The following NKAP variants were observed in gnomAD, a reference collection of about 807,000 sequenced individuals.
NKAP encodes the protein NFKB activating protein, also known as NF-kappa-B-activating protein.
In NKAP, 4 loss-of-function variants were observed where a neutral mutation model predicts 35.6. The observed-to-expected ratio is 0.11, with a 90% CI of 0.06 to 0.26. NKAP has a LOEUF of 0.26. Ranked by LOEUF, NKAP falls within the 10% of genes least tolerant of loss-of-function variation. The pLI is 1.00. For missense variants in NKAP, 238 were observed against 321.9 expected (o/e 0.74, Z 1.99); for synonymous variants, 106 against 119.2 (o/e 0.89, Z 0.72).
intron 1 of NKAP, among the ~76,000 whole-genome samples, chrX:119,941,614 CTCTTT>C (rs1048495618): frequency 5.4e-5 from 6 of 110,923 alleles, no homozygotes; most frequent in Non-Finnish European, 7.6e-5. Flanking sequence ...TCCTGTTCTT[CTCTTT>C]GTTTTTTTTT....
At chrX:119,925,654 C>T (rs1384294950) in intron 8 of NKAP, among the ~76,000 whole-genome samples, 3 of 109,982 alleles carry the variant, frequency 2.7e-5, no homozygotes, top group African/African-American at 9.9e-5. Flanking sequence ...TTCCACCTCC[C>T]TGGCTCAAGC....
rs747622402 is a variant in NKAP at position 119,943,592 on chromosome X, G to A, written c.14C>T (p.Ser5Phe). 2 of 1,183,067 alleles carry A rather than the reference G, an allele frequency of 1.7e-6. No homozygotes were observed. The highest frequency in any genetic ancestry group is 6.0e-5 in the East Asian group (2 of 33,479). The change falls in exon 1 of 9, where the codon TCC becomes TTC. Residue 5 changes from serine (S) to phenylalanine (F), a missense_variant. Physicochemically the swap from Ser to Phe is radical, Grantham distance 155 (BLOSUM62 -2). This residue lies in a region of NKAP where 123 missense variants were observed against 115.3 expected (regional missense o/e 1.07). Coordinates refer to ENST00000371410, the MANE Select transcript of NKAP (RefSeq NM_024528.4). MAPVSGSRSPDREAS... is the reference protein window; with the variant it reads MAPVFGSRSPDREAS... ...CTCCCTATCCGGGCTGCGTGAGCCG[G>A]ACACCGGAGCCATGGCTACTGGGGG...
intron 8 of NKAP, among the ~76,000 whole-genome samples, chrX:119,928,278 T>A (rs928097473): frequency 8.9e-6 from 1 of 112,409 alleles, no homozygotes; most frequent in African/African-American, 3.2e-5. Context: ...GAATACACAA[T>A]CTCTTAATAA....
At chrX:119,928,051 A>G (rs996023365) in intron 8 of NKAP, among the ~76,000 whole-genome samples, 3 of 112,333 alleles carry the variant, frequency 2.7e-5, no homozygotes, top group Admixed American at 9.5e-5. Context: ...AACCAGCTTA[A>G]TAAGTCTCAT....
intron 5 of NKAP, 70 bp from the exon 6 acceptor site, chrX:119,932,286 T>C: frequency 1.2e-6 from 1 of 801,443 alleles, no homozygotes; most frequent in Non-Finnish European, 1.8e-6. Context: ...AATTTTTCTT[T>C]TCTTTTTAAA....
intron 8 of NKAP, among the ~76,000 whole-genome samples, chrX:119,927,661 GA>G (rs1412314103): frequency 8.9e-6 from 1 of 112,650 alleles, no homozygotes; most frequent in Non-Finnish European, 1.9e-5. Context: ...TTATTCCACT[GA>G]ACAATTCAGT....
rs761464069 is a variant in NKAP, at chrX:119,943,427, A to G, written c.179T>C (p.Leu60Pro). ...TCGGGAGCCTTGGCTGAGGCCACCC[A>G]GCTGATGGGTGAGTCCATTCCGGTC... is the stretch of plus-strand genomic sequence containing the variant. ...SGDRNGLTHQ[L>P]GGLSQGSRNQ... The change falls in exon 1 of 9, where the codon CTG becomes CCG. Residue 60 changes from leucine (L) to proline (P), a missense_variant. By Grantham distance (98) the Leu-to-Pro change is moderately conservative. Around this residue, in one of 5 missense-constraint regions of NKAP, gnomAD observed 123 missense variants for 115.3 expected, o/e 1.07. Coordinates refer to ENST00000371410, the MANE Select transcript of NKAP (RefSeq NM_024528.4). 1 of 1,210,758 alleles carries G rather than the reference A, an allele frequency of 8.3e-7. No individual in the cohort carries two copies. The highest frequency in any genetic ancestry group is 1.8e-5 in the South Asian group (1 of 56,866).
intron 8 of NKAP, among the ~76,000 whole-genome samples, chrX:119,925,933 T>TG (rs1200446815): frequency 1.3e-5 from 1 of 78,495 alleles, no homozygotes; most frequent in African/African-American, 5.8e-5. Flanking sequence ...TTTTTTCTTT[T>TG]TTTTTTTTTT....
At chrX:119,941,684 G>T (rs2056794345) in intron 1 of NKAP, among the ~76,000 whole-genome samples, 1 of 111,315 alleles carries the variant, frequency 9.0e-6, no homozygotes, top group Non-Finnish European at 1.9e-5. Context: ...GGAGTGCAGT[G>T]GTGAGATCAT....
chrX:119,925,929 CTTTTTTTTTTTTTTTTAATTTTT>C (rs1171991813), intron 8 of NKAP, among the ~76,000 whole-genome samples: 4 of 46,446 alleles, frequency 8.6e-5, no homozygotes, highest in Admixed American at 5.5e-4. Flanking sequence ...ATCCTTTTTT[CTTTTTTTTTTTTTTTTAATTTTT>C]TTTTTTTTTT....
Position 119,943,386 on chromosome X carries a change from A to G in NKAP, c.220T>C (p.Ser74Pro). ...TCTCTAGAACGCGACCGCGAGCGTG[A>G]GCGGTAGGACTGGTTTCGGGAGCCT... ...SQGSRNQSYRSRSRSRSRERP... is the reference protein window; with the variant it reads ...SQGSRNQSYRPRSRSRSRERP... The change falls in exon 1 of 9, where the codon TCA (serine) becomes CCA (proline). Residue 74 changes from serine (S) to proline (P), a missense_variant. By Grantham distance (74) the Ser-to-Pro change is moderately conservative. Transcript: ENST00000371410. 2.5e-6 allele frequency: 3 copies of G among 1,211,566 alleles called. No homozygotes were observed. The highest frequency in any genetic ancestry group is 3.4e-6 in the Non-Finnish European group (3 of 895,181).
intron 8 of NKAP, 27 bp from the exon 9 acceptor site, chrX:119,925,421 A>G: frequency 8.5e-7 from 1 of 1,177,341 alleles, no homozygotes; most frequent in South Asian, 1.9e-5. Context: ...TTTTGGCTTA[A>G]TTTCTCAGTA....
At chrX:119,925,615 G>A (rs2056706870) in intron 8 of NKAP, among the ~76,000 whole-genome samples, 1 of 109,991 alleles carries the variant, frequency 9.1e-6, no homozygotes, top group African/African-American at 3.3e-5. Context: ...AGGTTGGAAT[G>A]CAGTGGCACG....
In NKAP at chrX:119,920,762, T is replaced by C. The variant is rs778871869; in HGVS notation, c.*4458A>G. The C allele has an allele frequency of 5.2e-6, 2 of 382,801 alleles. No individual in the cohort carries two copies. Among genetic ancestry groups the C allele is most frequent in the Non-Finnish European group, 9.0e-6 (2 of 223,353 alleles). 31.5% of individuals were successfully genotyped at this position (382,801 alleles called of 1,213,427 possible). A position where few individuals can be genotyped will look rare whatever the true frequency, so the allele number is the denominator to read the frequency against. The stretch of plus-strand genomic sequence containing the variant: ...TTCATTCATTTTCCATTCTGCAACC[T>C]CCATCACATTAGCAGAGTAACCAGT... On this transcript the variant is annotated 3_prime_UTR_variant, in exon 9 of 9. Transcript: ENST00000371410.
chrX:119,929,121 C>G (rs923932742), intron 8 of NKAP, among the ~76,000 whole-genome samples: 1 of 111,168 alleles, frequency 9.0e-6, no homozygotes, highest in Non-Finnish European at 1.9e-5. Flanking sequence ...GTCTTGAACT[C>G]CTGGACTCAA....
chrX:119,933,715 C>T (rs200939587), intron 5 of NKAP, among the ~76,000 whole-genome samples: 8 of 110,458 alleles, frequency 7.2e-5, no homozygotes, highest in East Asian at 2.8e-4. Context: ...GACAGGATCT[C>T]GCTATGTTGC....
rs781710324 is a variant in NKAP at position 119,941,773 on chromosome X, A to T, written c.386+1447T>A. On this transcript the variant is annotated intron_variant, in intron 1 of 8. Coordinates refer to ENST00000371410, the MANE Select transcript of NKAP (RefSeq NM_024528.4). ...CCCCAGTACCTGAAATTACAAGCAC[A>T]TGCCACCACGCCCAGCTGATTTTTA... Among the ~76,000 whole-genome samples, 10 of 111,339 alleles carry T rather than the reference A, an allele frequency of 9.0e-5. No individual in the cohort carries two copies. The South Asian group carries it at 3.4e-3, about 38-fold the overall frequency.
intron 8 of NKAP, among the ~76,000 whole-genome samples, chrX:119,925,773 C>G (rs181341900): frequency 9.1e-6 from 1 of 109,523 alleles, no homozygotes; most frequent in East Asian, 2.9e-4. Context: ...ATCTCGAACT[C>G]CTGACCTCAA....
chrX:119,935,204 A>C (rs1413020263), intron 4 of NKAP, among the ~76,000 whole-genome samples: 1 of 111,089 alleles, frequency 9.0e-6, no homozygotes, highest in Non-Finnish European at 1.9e-5. Flanking sequence ...AGGGTGGCTG[A>C]GGAATGGTTG....
Sources: allele counts gnomAD v4.1 joint callset (sites outside exome capture counted in the v4.1 genomes callset), GRCh38; gene constraint gnomAD v4.1.1; regional missense constraint gnomAD v4.1.1; transcripts MANE v1.5; gene names NCBI Gene and HGNC (gene_info 2026-07-23, HGNC 2026-07-21).